MAPK10: variants seen among roughly 807,000 people sequenced by gnomAD.
MAPK10 encodes mitogen-activated protein kinase 10, also known as JNK3 alpha protein kinase.
In MAPK10, 25 loss-of-function variants were observed where a neutral mutation model predicts 59.3. The observed-to-expected ratio is 0.42, with a 90% CI of 0.31 to 0.59. The LOEUF (loss-of-function observed/expected upper bound fraction) is 0.59, where lower values mean the gene tolerates loss of function less well. Among genes scored for constraint, MAPK10 ranks in the 20% least tolerant of loss-of-function variants. The pLI is 0.15. For synonymous variants in MAPK10, 190 were observed against 200.5 expected, an observed-to-expected ratio of 0.95 and a Z score of 0.44; for missense variants, 351 against 568.9, an observed-to-expected ratio of 0.62 and a Z score of 3.90.
chr4:86,574,758 A>G (rs888547117), intron 1 of MAPK10, among the ~76,000 whole-genome samples: 1 of 152,120 alleles, frequency 6.6e-6, no homozygotes, highest in Non-Finnish European at 1.5e-5. Context: ...TAGAATTTTA[A>G]ATAATCTTTG....
intron 1 of MAPK10, among the ~76,000 whole-genome samples, chr4:86,416,641 T>C (rs1410349495): frequency 6.6e-6 from 1 of 152,208 alleles, no homozygotes; most frequent in Admixed American, 6.5e-5. Context: ...CAAGACCTGG[T>C]ACATGAAGCT....
chr4:86,052,932 C>T (rs1367494103), intron 11 of MAPK10, among the ~76,000 whole-genome samples: 5 of 152,080 alleles, frequency 3.3e-5, no homozygotes, highest in African/African-American at 4.8e-5. Context: ...GTGATCCACC[C>T]GCCTTGGCCT....
intron 2 of MAPK10, among the ~76,000 whole-genome samples, chr4:86,226,396 G>A (rs1203733160): frequency 6.6e-6 from 1 of 152,158 alleles, no homozygotes; most frequent in Non-Finnish European, 1.5e-5. Context: ...AATACAATGG[G>A]ACATATAAAA....
intron 2 of MAPK10, chr4:86,327,783 T>TAAAAAAAAAAAAAAAAAA (rs2096060888): frequency 1.1e-4 from 1 of 9,276 alleles, no homozygotes; most frequent in Non-Finnish European, 2.7e-4. Context: ...CTACTAAAAA[T>TAAAAAAAAAAAAAAAAAA]ACAAAAAAAA....
intron 1 of MAPK10, among the ~76,000 whole-genome samples, chr4:86,470,132 G>T (rs537900962): frequency 6.6e-6 from 1 of 152,270 alleles, no homozygotes; most frequent in South Asian, 2.1e-4. Flanking sequence ...ACAAAAGGGG[G>T]TATAATTATA....
At chr4:86,269,125 A>C (rs2094350091) in intron 2 of MAPK10, among the ~76,000 whole-genome samples, 1 of 152,180 alleles carries the variant, frequency 6.6e-6, no homozygotes, top group African/African-American at 2.4e-5. Flanking sequence ...CAGTACCATG[A>C]GATAAAAAGA....
chr4:86,299,282 G>C (rs2095425313), intron 2 of MAPK10, among the ~76,000 whole-genome samples: 3 of 152,190 alleles, frequency 2.0e-5, no homozygotes, highest in Admixed American at 2.0e-4. Context: ...ATATATTTAA[G>C]TCATCTCATT....
chr4:86,046,905 T>A (rs1303010195), intron 11 of MAPK10, among the ~76,000 whole-genome samples: 1 of 152,110 alleles, frequency 6.6e-6, no homozygotes, highest in African/African-American at 2.4e-5. Flanking sequence ...TCTCTCTTTT[T>A]ACGCATCTTA....
intron 13 of MAPK10, among the ~76,000 whole-genome samples, chr4:86,018,511 G>A (rs1560560549): frequency 6.6e-6 from 1 of 152,162 alleles, no homozygotes; most frequent in Non-Finnish European, 1.5e-5. Flanking sequence ...GGAGTATAAG[G>A]TTGAAACCCT....
chr4:86,228,718 A>G (rs1234446155), intron 2 of MAPK10, among the ~76,000 whole-genome samples: 1 of 152,228 alleles, frequency 6.6e-6, no homozygotes, highest in Non-Finnish European at 1.5e-5. Context: ...TCTTCGGGAA[A>G]GAAATATCTG....
chr4:86,277,295 A>G (rs1446914545), intron 2 of MAPK10: 1 of 152,126 alleles, frequency 6.6e-6, no homozygotes, highest in Non-Finnish European at 1.5e-5. Context: ...CTGCTGCCTA[A>G]TGGCTTCTCT....
intron 2 of MAPK10, among the ~76,000 whole-genome samples, chr4:86,303,256 T>G (rs2095502504): frequency 6.6e-6 from 1 of 152,178 alleles, no homozygotes; most frequent in South Asian, 2.1e-4. Flanking sequence ...AGTCTACAAG[T>G]GAAAACATCA....
chr4:86,025,542 G>A lies in MAPK10; in HGVS notation c.1252+3655C>T, dbSNP rs537204717. 16 of 398,360 alleles carry A rather than the reference G, an allele frequency of 4.0e-5. No homozygotes were observed. The South Asian group carries it at 1.9e-3, about 48-fold the overall frequency. 24.7% of individuals were successfully genotyped at this position (398,360 alleles called of 1,614,324 possible). A position where few individuals can be genotyped will look rare whatever the true frequency, so the allele number is the denominator to read the frequency against. On this transcript the variant is annotated intron_variant, in intron 13 of 13. Coordinates refer to ENST00000641462, the MANE Select transcript of MAPK10 (RefSeq NM_138982.4). The stretch of plus-strand genomic sequence containing the variant: ...TTGAATATGATCATTGTGTTCAGTT[G>A]TCCAGTCAATGTGAGAAATATCTCT...
chr4:86,578,860 A>AGATTTT (rs1762075474), intron 1 of MAPK10, among the ~76,000 whole-genome samples: 1 of 152,184 alleles, frequency 6.6e-6, no homozygotes, highest in South Asian at 2.1e-4. Flanking sequence ...AAAATCTTGA[A>AGATTTT]GATTTTCTGT....
intron 1 of MAPK10, among the ~76,000 whole-genome samples, chr4:86,470,630 T>A (rs1031898637): frequency 6.6e-6 from 1 of 152,200 alleles, no homozygotes; most frequent in Non-Finnish European, 1.5e-5. Flanking sequence ...CCCCTATTTT[T>A]TCTTCCTTTT....
intron 9 of MAPK10, among the ~76,000 whole-genome samples, chr4:86,087,031 T>G (rs2149041854): frequency 6.6e-6 from 1 of 152,242 alleles, no homozygotes; most frequent in East Asian, 1.9e-4. Context: ...ATCAAGGGCT[T>G]TGAACAGGAT....
At chr4:86,134,451 C>G (rs991933404) in intron 4 of MAPK10, among the ~76,000 whole-genome samples, 7 of 152,166 alleles carry the variant, frequency 4.6e-5, no homozygotes, top group Non-Finnish European at 8.8e-5. Flanking sequence ...TTTTGCAAAA[C>G]TGCATTAAAG....
At position 86,174,499 on chromosome 4, in the gene MAPK10, A is replaced by G. The variant is rs2075213782; in HGVS notation, c.67-15032T>C. 2.0e-5 allele frequency among the ~76,000 whole-genome samples: 3 copies of G among 152,298 alleles called. No individual in the cohort carries two copies. The South Asian group carries it at 6.2e-4, about 32-fold the overall frequency. ...GGTGGAAGGGAGTGCATCAGGACAA[A>G]TAGCTAATGCATGTGGGTGGGTTGA... On this transcript the variant is annotated intron_variant, in intron 3 of 13. Transcript: ENST00000641462.
At chr4:86,236,103 T>A (rs189299393) in intron 2 of MAPK10, among the ~76,000 whole-genome samples, 21 of 151,814 alleles carry the variant, frequency 1.4e-4, no homozygotes, top group African/African-American at 4.3e-4. Flanking sequence ...TGCAACACAC[T>A]CTCTCTCTCT....
Sources: allele counts gnomAD v4.1 joint callset (sites outside exome capture counted in the v4.1 genomes callset), GRCh38; gene constraint gnomAD v4.1.1; transcripts MANE v1.5; gene names NCBI Gene and HGNC (gene_info 2026-07-23, HGNC 2026-07-21).